The following TSC22D1 variants were observed in gnomAD, a reference collection of about 807,000 sequenced individuals.
The protein encoded by TSC22D1 is TSC22 domain family member 1, also known as TSC22 domain family protein 1.
In TSC22D1, 9 loss-of-function variants were observed where a neutral mutation model predicts 74.2. The ratio of observed to expected loss-of-function variants is 0.12; its 90% confidence interval spans 0.07 to 0.21. The LOEUF is 0.21. Among genes scored for constraint, TSC22D1 ranks in the 10% least tolerant of loss-of-function variants. The pLI, the probability that TSC22D1 is intolerant of heterozygous loss-of-function variation, is 1.00. For synonymous variants in TSC22D1, 586 were observed against 492.5 expected (o/e 1.19, Z -2.51); for missense variants, 1,427 against 1,304.7 (o/e 1.09, Z -1.44).
intron 1 of TSC22D1, among the ~76,000 whole-genome samples, chr13:44,446,893 T>A (rs1353323723): frequency 6.6e-6 from 1 of 151,820 alleles, no homozygotes; most frequent in Non-Finnish European, 1.5e-5. Flanking sequence ...TAAATTTCTA[T>A]CTAATCTTTA....
chr13:44,573,430 G>T lies in TSC22D1; in HGVS notation c.2645C>A (p.Thr882Lys). 6.2e-7 allele frequency: 1 copy of T among 1,614,232 alleles called. No homozygotes were observed. The highest frequency in any genetic ancestry group is 1.1e-5 in the South Asian group (1 of 91,088). Residue 882 changes from threonine to lysine, a missense_variant, in exon 1 of 3, where the codon ACA (threonine) becomes AAA (lysine). Thr to Lys is a moderately conservative substitution (Grantham distance 78). This residue lies in a region of TSC22D1 where 1,343 missense variants were observed against 1,191.5 expected (regional missense o/e 1.13). Coordinates refer to ENST00000458659, the MANE Select transcript of TSC22D1 (RefSeq NM_183422.4). ...VSQPPLIATN[T>K]NLPLAQQIPL... ...TATCTGTTGTGCCAAAGGCAAATTT[G>T]TATTAGTTGCTATCAAGGGAGGTTG...
At chr13:44,570,192 T>TA (rs1452605505) in intron 1 of TSC22D1, among the ~76,000 whole-genome samples, 134 of 151,134 alleles carry the variant, frequency 8.9e-4, no homozygotes, top group Non-Finnish European at 9.5e-4. Flanking sequence ...TTAAGACTTT[T>TA]TTTTTTTTTT....
intron 1 of TSC22D1, among the ~76,000 whole-genome samples, chr13:44,480,873 G>A (rs2137931472): frequency 6.6e-6 from 1 of 152,270 alleles, no homozygotes; most frequent in East Asian, 1.9e-4. Context: ...TGTGTAACAG[G>A]TCATAGAGAT....
chr13:44,466,452 C>T (rs1877289299), intron 1 of TSC22D1, among the ~76,000 whole-genome samples: 1 of 152,136 alleles, frequency 6.6e-6, no homozygotes, highest in Non-Finnish European at 1.5e-5. Flanking sequence ...TAATCAGAGT[C>T]ACAGGAGGGG....
intron 1 of TSC22D1, among the ~76,000 whole-genome samples, chr13:44,559,362 T>A (rs1329296015): frequency 6.6e-6 from 1 of 152,142 alleles, no homozygotes; most frequent in Non-Finnish European, 1.5e-5. Context: ...AAAGCAGCAT[T>A]TTTTCCTAAA....
chr13:44,533,963 C>T (rs1239801475), intron 1 of TSC22D1, among the ~76,000 whole-genome samples: 1 of 152,008 alleles, frequency 6.6e-6, no homozygotes, highest in Non-Finnish European at 1.5e-5. Context: ...TTAAGAAAAG[C>T]CAGGCCAGGA....
In TSC22D1 at chr13:44,574,022, G is replaced by C. The variant is rs147075622; in HGVS notation, c.2053C>G (p.Pro685Ala). 9 of 1,614,080 alleles carry C rather than the reference G, an allele frequency of 5.6e-6. No individual in the cohort carries two copies. Among genetic ancestry groups the C allele is most frequent in the Middle Eastern group, 1.6e-4 (1 of 6,062 alleles). Residue 685 changes from proline to alanine, a missense_variant, in exon 1 of 3, where the codon CCT becomes GCT. Around this residue, in one of 3 missense-constraint regions of TSC22D1, gnomAD observed 1,343 missense variants for 1,191.5 expected, o/e 1.13. Coordinates refer to ENST00000458659, the MANE Select transcript of TSC22D1 (RefSeq NM_183422.4). ...AGVGAGTTVI[P>A]VAQPQGIQLP... is the part of the protein sequence containing the mutation. The stretch of plus-strand genomic sequence containing the variant: ...TGGATACCCTGTGGCTGAGCCACAG[G>C]AATCACTGTTGTTCCTGCTCCTACT...
At chr13:44,478,333 C>T (rs1436841007) in intron 1 of TSC22D1, among the ~76,000 whole-genome samples, 7 of 152,174 alleles carry the variant, frequency 4.6e-5, no homozygotes, top group East Asian at 1.9e-4. Flanking sequence ...GTACTTTATA[C>T]GTATATTACC....
intron 1 of TSC22D1, among the ~76,000 whole-genome samples, chr13:44,535,261 T>C (rs1270733959): frequency 6.6e-6 from 1 of 152,154 alleles, no homozygotes; most frequent in Non-Finnish European, 1.5e-5. Flanking sequence ...CCTTTGATCA[T>C]AATTCCTGAA....
At chr13:44,445,466 A>G (rs946936737) in intron 1 of TSC22D1, among the ~76,000 whole-genome samples, 7 of 152,202 alleles carry the variant, frequency 4.6e-5, no homozygotes, top group Non-Finnish European at 1.0e-4. Context: ...TTGAACCAGT[A>G]AAGATTTCTT....
Position 44,574,366 on chromosome 13 carries a change from G to A in TSC22D1, c.1709C>T (p.Thr570Ile), listed in dbSNP as rs774197708. 6.2e-7 allele frequency: 1 copy of A among 1,614,230 alleles called. No individual in the cohort carries two copies. The highest frequency in any genetic ancestry group is 1.1e-5 in the South Asian group (1 of 91,090). Residue 570 changes from threonine to isoleucine, a missense_variant, in exon 1 of 3, where the codon ACT (threonine) becomes ATT (isoleucine). Physicochemically the swap from Thr to Ile is moderately conservative, Grantham distance 89. Coordinates refer to ENST00000458659, the MANE Select transcript of TSC22D1 (RefSeq NM_183422.4). Reference sequence around the variant, plus strand: ...CTGGATACCAGTTGCAGCACTCATAGTGGCTTGCAGAGGTACTGGCTGAAG... The same window carrying A: ...CTGGATACCAGTTGCAGCACTCATAATGGCTTGCAGAGGTACTGGCTGAAG... ...QGLQPVPLQA[T>I]MSAATGIQPS...
chr13:44,529,271 T>C (rs9533895), intron 1 of TSC22D1, among the ~76,000 whole-genome samples: 16,289 of 151,992 alleles, frequency 0.11, 946 homozygotes, highest in Non-Finnish European at 0.12. Context: ...TGGTTTGACA[T>C]TCAAAAGTCA....
At chr13:44,451,226 G>T (rs990370825) in intron 1 of TSC22D1, among the ~76,000 whole-genome samples, 1 of 152,212 alleles carries the variant, frequency 6.6e-6, no homozygotes, top group Admixed American at 6.5e-5. Flanking sequence ...GAAACAGACA[G>T]ACGGCAGCTG....
chr13:44,480,733 G>C lies in TSC22D1; in HGVS notation c.2913-44638C>G, dbSNP rs993700471. Among the ~76,000 whole-genome samples the C allele has an allele frequency of 3.9e-5, 6 of 152,270 alleles. No individual in the cohort carries two copies. The South Asian group carries it at 8.3e-4, about 21-fold the overall frequency. On this transcript the variant is annotated intron_variant, in intron 1 of 2. Coordinates refer to ENST00000458659, the MANE Select transcript of TSC22D1 (RefSeq NM_183422.4). ...CAGACAACTCTAGAATTTCTACAAA[G>C]GAGTCCAGGGACAGGGGTTAGGAGA...
At chr13:44,559,234 TA>T (rs1566175169) in intron 1 of TSC22D1, among the ~76,000 whole-genome samples, 1 of 152,308 alleles carries the variant, frequency 6.6e-6, no homozygotes, top group East Asian at 1.9e-4. Flanking sequence ...TCTGAGCACC[TA>T]AGCAGTGGAC....
rs148565125 is a variant in TSC22D1, at chr13:44,454,356, G to A, written c.2913-18261C>T. On this transcript the variant is annotated intron_variant, in intron 1 of 2. Transcript: ENST00000458659. Reference sequence around the variant, plus strand: ...GAACAGAAAGTATTTTTTTAATGAAGTATTTACATTATGTAAACATATATA... The same window carrying A: ...GAACAGAAAGTATTTTTTTAATGAAATATTTACATTATGTAAACATATATA... Among the ~76,000 whole-genome samples, 627 of 152,174 alleles carry A rather than the reference G, an allele frequency of 4.1e-3. 3 individuals are homozygous for A. The highest frequency in any genetic ancestry group is 0.015 in the African/African-American group (606 of 41,500).
Position 44,576,160 on chromosome 13 carries a change from A to T in TSC22D1, c.-86T>A. On this transcript the variant is annotated 5_prime_UTR_variant, in exon 1 of 3. Coordinates refer to ENST00000458659, the MANE Select transcript of TSC22D1 (RefSeq NM_183422.4). ...TGTATTGGAGACGCCGGAGAGGAAA[A>T]CGGGACCTGACGCTCCGCCTGGCGC... is the stretch of plus-strand genomic sequence containing the variant. The T allele has an allele frequency of 7.3e-7, 1 of 1,368,446 alleles. No individual in the cohort carries two copies. Among genetic ancestry groups the T allele is most frequent in the Non-Finnish European group, 9.4e-7 (1 of 1,060,190 alleles). The allele number at this position is 1,368,446 out of a possible 1,614,324, so 84.8% of individuals were successfully genotyped here.
chr13:44,545,336 A>T (rs1262759046), intron 1 of TSC22D1, among the ~76,000 whole-genome samples: 6 of 152,148 alleles, frequency 3.9e-5, no homozygotes, highest in Non-Finnish European at 8.8e-5. Flanking sequence ...TCTGTCTCAA[A>T]AAATAAATAA....
chr13:44,518,541 G>T (rs922167133), intron 1 of TSC22D1, among the ~76,000 whole-genome samples: 16 of 152,102 alleles, frequency 1.1e-4, no homozygotes, highest in African/African-American at 3.9e-4. Flanking sequence ...CCCTATTAAG[G>T]CTGGAATTTA....
Sources: allele counts gnomAD v4.1 joint callset (sites outside exome capture counted in the v4.1 genomes callset), GRCh38; gene constraint gnomAD v4.1.1; regional missense constraint gnomAD v4.1.1; transcripts MANE v1.5; gene names NCBI Gene and HGNC (gene_info 2026-07-23, HGNC 2026-07-21).